RAP1A: variants seen among roughly 807,000 people sequenced by gnomAD.
The protein encoded by RAP1A is ras-related protein Rap-1A.
Under a neutral mutation model 26.4 loss-of-function variants are expected in RAP1A, and 6 were observed. The observed-to-expected ratio is 0.23, with a 90% CI of 0.12 to 0.45. The LOEUF is 0.45. RAP1A is among the 20% of genes least tolerant of loss of function. The probability of loss-of-function intolerance (pLI) is 0.99; values close to 1 mark genes in which losing one functional copy is unlikely to be tolerated. For synonymous variants in RAP1A, 73 were observed against 79.4 expected (o/e 0.92, Z 0.43); for missense variants, 121 against 217.2 (o/e 0.56, Z 2.78).
intron 3 of RAP1A, among the ~76,000 whole-genome samples, chr1:111,696,693 T>C (rs1281936365): frequency 6.6e-6 from 1 of 152,220 alleles, no homozygotes; most frequent in Non-Finnish European, 1.5e-5. Context: ...GTACCTAAAA[T>C]TCTAAGGGAC....
chr1:111,572,322 A>G (rs1016131097), intron 1 of RAP1A, among the ~76,000 whole-genome samples: 1 of 152,228 alleles, frequency 6.6e-6, no homozygotes, highest in Non-Finnish European at 1.5e-5. Context: ...CCTACCATTC[A>G]AGTTTCTTAC....
intron 2 of RAP1A, 56 bp from the exon 3 acceptor site, chr1:111,695,285 A>G: frequency 1.5e-6 from 2 of 1,297,064 alleles, no homozygotes; most frequent in South Asian, 1.4e-5. Flanking sequence ...AGGTTAAGTA[A>G]CATTCAAAGG....
intron 1 of RAP1A, among the ~76,000 whole-genome samples, chr1:111,572,651 A>G (rs1440715647): frequency 3.3e-5 from 5 of 152,258 alleles, no homozygotes; most frequent in South Asian, 4.1e-4. Flanking sequence ...CACATCCTCT[A>G]TCTTTTCGAG....
intron 1 of RAP1A, among the ~76,000 whole-genome samples, chr1:111,593,651 A>ATTTT (rs1658509800): frequency 4.8e-5 from 2 of 41,402 alleles, no homozygotes; most frequent in African/African-American, 1.7e-4. Flanking sequence ...TATGACTCCT[A>ATTTT]CTTTTTTTTT....
intron 1 of RAP1A, among the ~76,000 whole-genome samples, chr1:111,673,884 A>G (rs1019464884): frequency 6.6e-6 from 1 of 152,184 alleles, no homozygotes; most frequent in African/African-American, 2.4e-5. Flanking sequence ...GTGTGTATAC[A>G]TTCGTGACCC....
chr1:111,573,033 G>T (rs1010142590), intron 1 of RAP1A, among the ~76,000 whole-genome samples: 3 of 152,156 alleles, frequency 2.0e-5, no homozygotes, highest in African/African-American at 7.2e-5. Flanking sequence ...GTTTGCTAAG[G>T]ATAATGGCCT....
chr1:111,564,061 G>T (rs1331175884), intron 1 of RAP1A: 2 of 777,116 alleles, frequency 2.6e-6, no homozygotes, highest in African/African-American at 1.7e-5. Context: ...GTTTTGGGGG[G>T]TAGAGAATTG....
chr1:111,679,791 A>G (rs1031335741), intron 1 of RAP1A, among the ~76,000 whole-genome samples: 2 of 152,196 alleles, frequency 1.3e-5, no homozygotes, highest in Admixed American at 1.3e-4. Context: ...GCCTCCGGGA[A>G]GGTCAGACTG....
chr1:111,690,482 C>A (rs1416501494), intron 1 of RAP1A, among the ~76,000 whole-genome samples: 1 of 152,352 alleles, frequency 6.6e-6, no homozygotes, highest in East Asian at 1.9e-4. Flanking sequence ...CCCTTCACCA[C>A]AGTCTGAAAA....
At chr1:111,687,258 A>T (rs1184679118) in intron 1 of RAP1A, among the ~76,000 whole-genome samples, 1 of 143,308 alleles carries the variant, frequency 7.0e-6, no homozygotes, top group Non-Finnish European at 1.5e-5. Flanking sequence ...CCCAGGGTGG[A>T]GTGCAGTGGC....
intron 1 of RAP1A, among the ~76,000 whole-genome samples, chr1:111,573,948 C>T (rs1658099269): frequency 6.6e-6 from 1 of 152,106 alleles, no homozygotes; most frequent in African/African-American, 2.4e-5. Context: ...TGTGCAGAAG[C>T]TCTTTAGTTT....
At chr1:111,672,452 A>C in intron 1 of RAP1A, among the ~76,000 whole-genome samples, 1 of 152,186 alleles carries the variant, frequency 6.6e-6, no homozygotes, top group African/African-American at 2.4e-5. Context: ...AATCGAGTCT[A>C]AATCTCTGAT....
chr1:111,583,213 C>G (rs1658293283), intron 1 of RAP1A, among the ~76,000 whole-genome samples: 1 of 151,284 alleles, frequency 6.6e-6, no homozygotes. Context: ...ACATCCCAGG[C>G]TGCTGGACAT....
intron 1 of RAP1A, among the ~76,000 whole-genome samples, chr1:111,558,046 A>T (rs1350413750): frequency 3.3e-5 from 5 of 152,232 alleles, no homozygotes; most frequent in African/African-American, 9.6e-5. Context: ...GAGAGAAAGG[A>T]ATAGGAATAA....
chr1:111,684,056 A>G (rs57648464), intron 1 of RAP1A, among the ~76,000 whole-genome samples: 6,675 of 152,294 alleles, frequency 0.044, 302 homozygotes, highest in African/African-American at 0.11. Flanking sequence ...ACCAATGACA[A>G]AAAACACAAG....
chr1:111,614,987 A>T (rs759676106), upstream of RAP1A, among the ~76,000 whole-genome samples: 2 of 152,218 alleles, frequency 1.3e-5, no homozygotes, highest in African/African-American at 4.8e-5. Flanking sequence ...AGGAGTTGCA[A>T]TATGAGACAG....
At chr1:111,659,472 A>G (rs1452950161) in intron 1 of RAP1A, among the ~76,000 whole-genome samples, 1 of 151,282 alleles carries the variant, frequency 6.6e-6, no homozygotes, top group African/African-American at 2.4e-5. Context: ...TAGACAACAT[A>G]TAGTTGGGTC....
chr1:111,644,451 G>A (rs1451631850), intron 1 of RAP1A, among the ~76,000 whole-genome samples: 2 of 152,030 alleles, frequency 1.3e-5, no homozygotes, highest in African/African-American at 4.8e-5. Context: ...TCAGCTTCCC[G>A]GGAAACTCAG....
chr1:111,581,201 G>A (rs892952695), intron 1 of RAP1A, among the ~76,000 whole-genome samples: 10 of 151,804 alleles, frequency 6.6e-5, no homozygotes, highest in African/African-American at 1.4e-4. Flanking sequence ...GATGGGAGAC[G>A]GTTTTGTGGT....
Sources: gnomAD v4.1 joint callset for allele counts (sites outside exome capture counted in the v4.1 genomes callset) on GRCh38, gnomAD v4.1.1 for gene constraint, MANE v1.5 for transcripts, NCBI Gene and HGNC (gene_info 2026-07-23, HGNC 2026-07-21) for gene names.